GANC: variants seen among roughly 807,000 people sequenced by gnomAD.
The protein encoded by GANC is neutral alpha-glucosidase C.
GANC carries 117 observed loss-of-function variants against 124.2 expected under a neutral mutation model. The observed-to-expected ratio is 0.94, with a 90% CI of 0.81 to 1.10. The LOEUF is 1.10. Ranked by LOEUF, GANC falls within the 50% of genes least tolerant of loss-of-function variation. GANC has a pLI of 0.00. For synonymous variants in GANC, 377 were observed against 376.8 expected (o/e 1.00, Z -0.01); for missense variants, 1,140 against 1,095.0 (o/e 1.04, Z -0.58).
At position 42,273,438 on chromosome 15, in the gene GANC, T is replaced by A; in HGVS notation, c.-1044T>A. 6.2e-7 allele frequency: 1 copy of A among 1,610,576 alleles called. No homozygotes were observed. Among genetic ancestry groups the A allele is most frequent in the Non-Finnish European group, 8.5e-7 (1 of 1,178,514 alleles). On this transcript the variant is annotated 5_prime_UTR_variant, in exon 1 of 24. Transcript: ENST00000318010. ...AGTGCCTACCGAAAGCATTTCACCC[T>A]CTTCCGGTTCGTCCCGCCTTCTTCC...
rs1434932107 is a variant in GANC at position 42,326,390 on chromosome 15, G to A, written c.1386G>A (p.Gln462=). The change falls in exon 12 of 24, where the codon CAG becomes CAA. Residue 462 remains glutamine (Q), a synonymous_variant. Coordinates refer to ENST00000318010, the MANE Select transcript of GANC (RefSeq NM_198141.3). ...ATCAGGGCTTCTTTGTGAAGAATCA[G>A]GAAGGGGAAGACTTTGAAGGGGTGT... ...AKDQGFFVKN[Q]EGEDFEGVCW... The A allele has an allele frequency of 6.2e-7, 1 of 1,614,076 alleles. No homozygotes were observed.
At chr15:42,326,469 C>G in intron 12 of GANC, 45 bp downstream of exon 12, 2 of 1,611,746 alleles carry the variant, frequency 1.2e-6, no homozygotes, top group Non-Finnish European at 1.7e-6. Context: ...ATGTTCTGTC[C>G]CAATTAATGA....
At chr15:42,340,252 C>A (rs1300541766) in intron 17 of GANC, among the ~76,000 whole-genome samples, 1 of 152,092 alleles carries the variant, frequency 6.6e-6, no homozygotes. Context: ...CTTATTTTGC[C>A]AGGCTTAGGC....
intron 15 of GANC, among the ~76,000 whole-genome samples, chr15:42,334,431 G>C (rs2052268887): frequency 1.3e-5 from 2 of 152,070 alleles, no homozygotes; most frequent in South Asian, 4.1e-4. Context: ...CAAAGTGCTG[G>C]GATTACAGGC....
In GANC at chr15:42,310,924, T is replaced by C; in HGVS notation, c.1057+78T>C. The C allele has an allele frequency of 6.1e-6, 9 of 1,473,332 alleles. No homozygotes were observed. The South Asian group carries it at 1.1e-4, about 18-fold the overall frequency. 91.3% of individuals were successfully genotyped at this position (1,473,332 alleles called of 1,614,324 possible). A position where few individuals can be genotyped will look rare whatever the true frequency, so the allele number is the denominator to read the frequency against. On this transcript the variant is annotated intron_variant, in intron 10 of 23. Coordinates refer to ENST00000318010, the MANE Select transcript of GANC (RefSeq NM_198141.3). Reference sequence around the variant, plus strand: ...CATGTGTCATCACGGTAAGTTAATATTTGTTGTATACTATGTAGAGTTTAT... The same window carrying C: ...CATGTGTCATCACGGTAAGTTAATACTTGTTGTATACTATGTAGAGTTTAT...
At chr15:42,351,608 A>G (rs2052438923) in intron 23 of GANC, among the ~76,000 whole-genome samples, 176 bp downstream of exon 23, 1 of 152,210 alleles carries the variant, frequency 6.6e-6, no homozygotes, top group African/African-American at 2.4e-5. Context: ...CTCTTCATGA[A>G]TTGATCTTTC....
At chr15:42,298,583 A>G (rs895220775) in intron 6 of GANC, among the ~76,000 whole-genome samples, 1 of 152,166 alleles carries the variant, frequency 6.6e-6, no homozygotes, top group African/African-American at 2.4e-5. Context: ...TTAAAAGATT[A>G]TTTTGTTGAA....
At position 42,273,648 on chromosome 15, in the gene GANC, G is replaced by C; in HGVS notation, c.-834G>C. The C allele has an allele frequency of 1.8e-6, 1 of 548,516 alleles. No homozygotes were observed. Among genetic ancestry groups the C allele is most frequent in the Non-Finnish European group, 3.2e-6 (1 of 314,706 alleles). The allele number at this position is 548,516 out of a possible 1,614,324, so 34.0% of individuals were successfully genotyped here. On this transcript the variant is annotated 5_prime_UTR_variant, in exon 1 of 24. Coordinates refer to ENST00000318010, the MANE Select transcript of GANC (RefSeq NM_198141.3). The stretch of plus-strand genomic sequence containing the variant: ...TAGAGAGATCGCTACATGCCAGCCT[G>C]GCCTGAGTCTTTTCTGTCTCCCAGC...
intron 10 of GANC, among the ~76,000 whole-genome samples, chr15:42,319,990 C>G (rs1239795680): frequency 6.6e-6 from 1 of 152,076 alleles, no homozygotes; most frequent in East Asian, 1.9e-4. Flanking sequence ...TTGAGACCAG[C>G]TTGGTCAACA....
rs761670829 is a variant in GANC at position 42,351,320 on chromosome 15, C to T, written c.2532-9C>T. On this transcript the variant is annotated splice_polypyrimidine_tract_variant and intron_variant, in intron 22 of 23. Transcript: ENST00000318010. ...CCTCTCCTTTTAATACTGTTTGTAT[C>T]TATTCCAGTTTTGCTGACCAGAGGG... 1.1e-5 allele frequency: 17 copies of T among 1,602,598 alleles called. No homozygotes were observed. In the South Asian group the frequency reaches 1.8e-4, roughly 17 times the overall value.
In GANC at chr15:42,310,818, T is replaced by A. The variant is rs760841430; in HGVS notation, c.1029T>A (p.Asp343Glu). 2 of 1,614,040 alleles carry A rather than the reference T, an allele frequency of 1.2e-6. No homozygotes were observed. Among genetic ancestry groups the A allele is most frequent in the African/African-American group, 1.3e-5 (1 of 74,944 alleles). ...TGCTGACAGGACCTACACCTTCTGA[T>A]GTCTTCAAACAGTACTCACACCTTA... Reference protein sequence around the residue: ...VFLLTGPTPSDVFKQYSHLTG... With the variant: ...VFLLTGPTPSEVFKQYSHLTG... Residue 343 changes from aspartate to glutamate, a missense_variant, in exon 10 of 24, where the codon GAT (aspartate) becomes GAA (glutamate). Coordinates refer to ENST00000318010, the MANE Select transcript of GANC (RefSeq NM_198141.3).
intron 6 of GANC, among the ~76,000 whole-genome samples, chr15:42,304,716 A>G (rs1261964542): frequency 1.3e-5 from 2 of 152,350 alleles, no homozygotes; most frequent in South Asian, 4.1e-4. Context: ...TTCAAATTAT[A>G]CTACAAGGAT....
chr15:42,331,967 G>A (rs1308001220), intron 15 of GANC, among the ~76,000 whole-genome samples: 2 of 152,106 alleles, frequency 1.3e-5, no homozygotes, highest in African/African-American at 4.8e-5. Flanking sequence ...CAGGATATGT[G>A]TGATAATTTG....
chr15:42,325,120 A>G (rs902044444), intron 11 of GANC, among the ~76,000 whole-genome samples: 1 of 151,874 alleles, frequency 6.6e-6, no homozygotes, highest in African/African-American at 2.4e-5. Flanking sequence ...AAAAAAAAAA[A>G]AAATTAGTCC....
At chr15:42,278,815 G>A (rs1045438622) in intron 3 of GANC, among the ~76,000 whole-genome samples, 11 of 152,104 alleles carry the variant, frequency 7.2e-5, no homozygotes, top group African/African-American at 2.4e-4. Flanking sequence ...GTAACATGGC[G>A]AAAACCCATC....
At chr15:42,351,482 G>T (rs1409576917) in intron 23 of GANC, 50 bp downstream of exon 23, 4 of 1,285,146 alleles carry the variant, frequency 3.1e-6, no homozygotes, top group Non-Finnish European at 4.5e-6. Flanking sequence ...ATAAACAGAA[G>T]TATCTGCAGT....
chr15:42,339,156 G>T lies in GANC; in HGVS notation c.1844-513G>T, dbSNP rs1316420472. Among the ~76,000 whole-genome samples the T allele has an allele frequency of 3.3e-5, 5 of 152,062 alleles. No homozygotes were observed. The East Asian group carries it at 9.7e-4, about 29-fold the overall frequency. ...GGTCCATGTACAATACAAGGAATAT[G>T]TATATACCACTCAGTGGCCCAGCAT... is the stretch of plus-strand genomic sequence containing the variant. On this transcript the variant is annotated intron_variant, in intron 16 of 23. Coordinates refer to ENST00000318010, the MANE Select transcript of GANC (RefSeq NM_198141.3).
intron 5 of GANC, 25 bp downstream of exon 5, chr15:42,292,942 A>T: frequency 6.2e-7 from 1 of 1,601,784 alleles, no homozygotes; most frequent in Non-Finnish European, 8.5e-7. Flanking sequence ...TACTTGACAC[A>T]TAAAGACCTT....
chr15:42,289,453 T>G (rs2051821185), intron 4 of GANC, among the ~76,000 whole-genome samples: 1 of 152,132 alleles, frequency 6.6e-6, no homozygotes, highest in African/African-American at 2.4e-5. Flanking sequence ...TTCTAGGGGG[T>G]CATTCCTGGA....
Sources: allele counts gnomAD v4.1 joint callset (sites outside exome capture counted in the v4.1 genomes callset), GRCh38; gene constraint gnomAD v4.1.1; transcripts MANE v1.5; gene names NCBI Gene and HGNC (gene_info 2026-07-23, HGNC 2026-07-21).